TNS3: variants seen among roughly 807,000 people sequenced by gnomAD.
The protein encoded by TNS3 is tensin 3.
TNS3 carries 45 observed loss-of-function variants against 140.9 expected under a neutral mutation model. That is an observed-to-expected ratio of 0.32 (90% CI 0.25 to 0.41). The LOEUF is 0.41. TNS3 is among the 10% of genes least tolerant of loss of function. The probability of loss-of-function intolerance (pLI) is 1.00; values close to 1 mark genes in which losing one functional copy is unlikely to be tolerated. For synonymous variants in TNS3, 815 were observed against 788.4 expected, an observed-to-expected ratio of 1.03 and a Z score of -0.56; for missense variants, 1,716 against 1,906.7, an observed-to-expected ratio of 0.90 and a Z score of 1.86.
rs567931792 is a variant in TNS3, at chr7:47,418,398, G to A, written c.474-3192C>T. Among the ~76,000 whole-genome samples, 8 of 152,140 alleles carry A rather than the reference G, an allele frequency of 5.3e-5. No individual in the cohort carries two copies. In the East Asian group the frequency reaches 9.6e-4, roughly 18 times the overall value. ...TATGGAAAGGATCAACTTTAACTTC[G>A]TATACACAGTATTTATCTGTGGCAT... is the stretch of plus-strand genomic sequence containing the variant. On this transcript the variant is annotated intron_variant, in intron 10 of 30. Transcript: ENST00000311160.
At position 47,445,398 on chromosome 7, in the gene TNS3, T is replaced by C. The variant is rs182966080; in HGVS notation, c.-75-3343A>G. On this transcript the variant is annotated intron_variant, in intron 4 of 30. Transcript: ENST00000311160. ...TGGTGATGAGGAAATGAGGATTTGG[T>C]GGGCGGACGTGTTGGAATCCCACAG... Among the ~76,000 whole-genome samples the C allele has an allele frequency of 3.5e-3, 534 of 152,262 alleles. 1 individual carries two copies. Among genetic ancestry groups the C allele is most frequent in the African/African-American group, 0.012 (511 of 41,540 alleles).
At chr7:47,580,265 G>T (rs776651242) in intron 1 of TNS3, among the ~76,000 whole-genome samples, 1 of 152,074 alleles carries the variant, frequency 6.6e-6, no homozygotes, top group East Asian at 1.9e-4. Context: ...ATTTCATCTC[G>T]GCCAAGTTAC....
Position 47,407,633 on chromosome 7 carries a change from T to G in TNS3, c.723+4094A>C, listed in dbSNP as rs1176671037. 6.6e-6 allele frequency among the ~76,000 whole-genome samples: 1 copy of G among 152,180 alleles called. No individual in the cohort carries two copies. The highest frequency in any genetic ancestry group is 1.5e-5 in the Non-Finnish European group (1 of 68,036). Reference sequence around the variant, plus strand: ...CCTTCCAAAATCCATAAGTTGAAGGTCTCAGCACTTCAGCATAGGGCTGTG... The same window carrying G: ...CCTTCCAAAATCCATAAGTTGAAGGGCTCAGCACTTCAGCATAGGGCTGTG... On this transcript the variant is annotated intron_variant, in intron 13 of 30. Transcript: ENST00000311160. The surrounding 1 kb of genome is among the most constrained non-coding windows in gnomAD (Gnocchi z 4.1).
In TNS3 at chr7:47,327,382, C is replaced by T. The variant is rs115336105; in HGVS notation, c.2650+17373G>A. The stretch of plus-strand genomic sequence containing the variant: ...TTTAGAACCCAGCGCCTGATCCTAA[C>T]GCTTGCTTTCGGCATTTAGTAGAAA... On this transcript the variant is annotated intron_variant, in intron 20 of 30. Coordinates refer to ENST00000311160, the MANE Select transcript of TNS3 (RefSeq NM_022748.12). Among the ~76,000 whole-genome samples, 837 of 152,336 alleles carry T rather than the reference C, an allele frequency of 5.5e-3. 7 individuals carry two copies. Among genetic ancestry groups the T allele is most frequent in the African/African-American group, 0.019 (793 of 41,568 alleles).
At chr7:47,289,812 T>G (rs1785599850) in intron 27 of TNS3, among the ~76,000 whole-genome samples, 1 of 152,226 alleles carries the variant, frequency 6.6e-6, no homozygotes, top group African/African-American at 2.4e-5. Context: ...AAGGTGTCAG[T>G]TCTTCCTAAT....
chr7:47,564,254 C>G (rs1204979957), intron 1 of TNS3, among the ~76,000 whole-genome samples: 2 of 151,462 alleles, frequency 1.3e-5, no homozygotes, highest in Admixed American at 1.3e-4. Flanking sequence ...AAATGACTCT[C>G]CATAATGTCA....
intron 8 of TNS3, among the ~76,000 whole-genome samples, chr7:47,428,645 C>T (rs1285590067): frequency 6.6e-6 from 1 of 152,212 alleles, no homozygotes; most frequent in East Asian, 1.9e-4. Flanking sequence ...ACCAACACAG[C>T]AGCTGCCTGT....
chr7:47,474,502 TAC>T (rs967740532), intron 4 of TNS3, among the ~76,000 whole-genome samples: 3 of 136,232 alleles, frequency 2.2e-5, no homozygotes, highest in South Asian at 2.4e-4. Flanking sequence ...CACAGACATG[TAC>T]ACACACACAA....
intron 17 of TNS3, among the ~76,000 whole-genome samples, chr7:47,348,020 ACAGGACGCAAGTGCTG>A (rs1789448204): frequency 6.6e-6 from 1 of 152,096 alleles, no homozygotes. Flanking sequence ...ACCACCCTCC[ACAGGACGCAAGTGCTG>A]CAGGCCAGGG....
intron 4 of TNS3, among the ~76,000 whole-genome samples, chr7:47,478,265 G>A (rs1310140512): frequency 6.6e-6 from 1 of 152,160 alleles, no homozygotes; most frequent in East Asian, 1.9e-4. Context: ...GCTGGGGCCT[G>A]AGAATGTGCA....
chr7:47,552,819 G>C (rs1301463321), intron 1 of TNS3, among the ~76,000 whole-genome samples: 1 of 152,222 alleles, frequency 6.6e-6, no homozygotes, highest in Non-Finnish European at 1.5e-5. Context: ...TCAGCTTAGT[G>C]GGGAAGGCAT....
chr7:47,340,505 T>A (rs914957184), intron 20 of TNS3, among the ~76,000 whole-genome samples: 2 of 152,188 alleles, frequency 1.3e-5, no homozygotes, highest in Non-Finnish European at 2.9e-5. Context: ...CGAACTAGAA[T>A]CCTGCAAAGT....
chr7:47,494,753 GGA>G (rs1797937965), intron 3 of TNS3, among the ~76,000 whole-genome samples: 1 of 152,178 alleles, frequency 6.6e-6, no homozygotes, highest in South Asian at 2.1e-4. Context: ...CCCGGGAGGC[GGA>G]GAGAGGGCGC....
At chr7:47,284,365 AG>A (rs1412578539) in intron 27 of TNS3, among the ~76,000 whole-genome samples, 3 of 152,222 alleles carry the variant, frequency 2.0e-5, no homozygotes, top group Non-Finnish European at 2.9e-5. Flanking sequence ...AATGGCTTGC[AG>A]TGAGCTCAGA....
chr7:47,435,769 G>A lies in TNS3; in HGVS notation c.202-365C>T, dbSNP rs569544299. 3.3e-5 allele frequency among the ~76,000 whole-genome samples: 5 copies of A among 152,230 alleles called. No homozygotes were observed. In the South Asian group the frequency reaches 6.2e-4, roughly 19 times the overall value. On this transcript the variant is annotated intron_variant, in intron 7 of 30. Coordinates refer to ENST00000311160, the MANE Select transcript of TNS3 (RefSeq NM_022748.12). ...AGCTGCTGCCAAAATCTCCCCACTC[G>A]GGTTAAAATCCCAGTTTGGAGAGTG...
intron 1 of TNS3, among the ~76,000 whole-genome samples, chr7:47,552,079 C>A (rs547183155): frequency 1.2e-4 from 18 of 149,776 alleles, no homozygotes; most frequent in Non-Finnish European, 1.8e-4. Context: ...CTCCCCACGC[C>A]CATCACATTC....
intron 20 of TNS3, among the ~76,000 whole-genome samples, chr7:47,317,769 G>A (rs528142783): frequency 6.6e-6 from 1 of 152,288 alleles, no homozygotes; most frequent in African/African-American, 2.4e-5. Flanking sequence ...TGCAGACAGA[G>A]CCAACACACA....
At chr7:47,406,612 A>G (rs562321731) in intron 13 of TNS3, among the ~76,000 whole-genome samples, 17 of 152,326 alleles carry the variant, frequency 1.1e-4, no homozygotes, top group Admixed American at 2.0e-4. Flanking sequence ...TCCGCCTTCA[A>G]AAGTACACAG....
In TNS3 at chr7:47,303,503, T is replaced by C. The variant is rs1232551148; in HGVS notation, c.2904A>G (p.Gly968=). ...VSLLGSGRPT[G]SPLSAEFSGT... is the part of the protein sequence containing the mutation. ...CGGAGAACTCAGCGCTGAGGGGACT[T>C]CCGGTGGGCCGGCCGCTCCCCAGCA... is the stretch of plus-strand genomic sequence containing the variant. Residue 968 remains glycine (G), a synonymous_variant, in exon 22 of 31, where the codon GGA becomes GGG. Transcript: ENST00000311160. 1 of 1,609,446 alleles carries C rather than the reference T, an allele frequency of 6.2e-7. No homozygotes were observed. Among genetic ancestry groups the C allele is most frequent in the East Asian group, 2.2e-5 (1 of 44,834 alleles).
Sources: gnomAD v4.1 joint callset for allele counts (sites outside exome capture counted in the v4.1 genomes callset) on GRCh38, gnomAD v4.1.1 for gene constraint, Gnocchi (gnomAD v3.1) non-coding constraint, MANE v1.5 for transcripts, NCBI Gene and HGNC (gene_info 2026-07-23, HGNC 2026-07-21) for gene names.